The following CPEB4 variants were observed in gnomAD, a reference collection of about 807,000 sequenced individuals.
The protein encoded by CPEB4 is cytoplasmic polyadenylation element-binding protein 4.
CPEB4 carries 12 observed loss-of-function variants against 72.5 expected under a neutral mutation model. The ratio of observed to expected loss-of-function variants is 0.17; its 90% CI spans 0.11 to 0.27. The LOEUF is 0.27. Ranked by LOEUF, CPEB4 falls within the 10% of genes least tolerant of loss-of-function variation. The probability of loss-of-function intolerance (pLI) is 1.00; values close to 1 mark genes in which losing one functional copy is unlikely to be tolerated. For synonymous variants in CPEB4, 302 were observed against 326.3 expected (o/e 0.93, Z 0.80); for missense variants, 614 against 908.5 (o/e 0.68, Z 4.17).
chr5:173,911,693 T>G (rs546987061), intron 2 of CPEB4, among the ~76,000 whole-genome samples: 146 of 151,354 alleles, frequency 9.6e-4, no homozygotes, highest in Middle Eastern at 3.4e-3. Context: ...TTTTTTTTTT[T>G]TTTTTTTTTT....
Position 173,889,642 on chromosome 5 carries a change from C to A in CPEB4, c.-92C>A. On this transcript the variant is annotated 5_prime_UTR_variant, in exon 1 of 10. Transcript: ENST00000265085. The stretch of plus-strand genomic sequence containing the variant: ...AAATAAGACATTTCAAGCAAGCAAG[C>A]AAACAACTTAAATTTGGGGTAGAGG... 9.1e-7 allele frequency: 1 copy of A among 1,098,118 alleles called. No individual in the cohort carries two copies. The highest frequency in any genetic ancestry group is 2.4e-5 in the East Asian group (1 of 41,786). 68.0% of individuals were successfully genotyped at this position (1,098,118 alleles called of 1,614,324 possible). A position where few individuals can be genotyped will look rare whatever the true frequency, so the allele number is the denominator to read the frequency against.
rs1207082978 is a variant in CPEB4 at position 173,888,427 on chromosome 5, G to GCGGCAGCAGCGGCGA, written c.-1305_-1291dup. ...CCGGGAGGCGGTGGCGGCGGCGGCG[G>GCGGCAGCAGCGGCGA]CGGCAGCAGCGGCGACAGCAGAGGA... On this transcript the variant is annotated 5_prime_UTR_variant, in exon 1 of 10. Coordinates refer to ENST00000265085, the MANE Select transcript of CPEB4 (RefSeq NM_030627.4). This position sits in a 1 kb window ranked among gnomAD's most constrained non-coding sequence, Gnocchi z 4.3. The GCGGCAGCAGCGGCGA allele has an allele frequency of 4.3e-4, 197 of 459,788 alleles. No individual in the cohort carries two copies. Among genetic ancestry groups the GCGGCAGCAGCGGCGA allele is most frequent in the African/African-American group, 3.9e-3 (191 of 49,194 alleles). The allele number at this position is 459,788 out of a possible 1,614,324, so 28.5% of individuals were successfully genotyped here. A position where few individuals can be genotyped will look rare whatever the true frequency, so the allele number is the denominator to read the frequency against.
chr5:173,917,877 T>C (rs1294004537), intron 2 of CPEB4, among the ~76,000 whole-genome samples: 1 of 152,246 alleles, frequency 6.6e-6, no homozygotes, highest in East Asian at 1.9e-4. Flanking sequence ...ATTAAGTCTT[T>C]AAGACTCAGA....
At chr5:173,903,995 C>A (rs1756333507) in intron 1 of CPEB4, among the ~76,000 whole-genome samples, 1 of 152,158 alleles carries the variant, frequency 6.6e-6, no homozygotes, top group African/African-American at 2.4e-5. Context: ...CAGTTACTGA[C>A]ATGCAACTCA....
rs574214613 is a variant in CPEB4, at chr5:173,916,513, G to A, written c.1207+5909G>A. Among the ~76,000 whole-genome samples the A allele has an allele frequency of 4.6e-5, 7 of 152,278 alleles. No individual in the cohort carries two copies. In the East Asian group the frequency reaches 1.3e-3, roughly 29 times the overall value. ...TTTCATGCATCGCTTTATTTTAAGA[G>A]CTATGGATCTACTCCAAAAATGCTA... On this transcript the variant is annotated intron_variant, in intron 2 of 9. Coordinates refer to ENST00000265085, the MANE Select transcript of CPEB4 (RefSeq NM_030627.4).
At chr5:173,944,630 A>T (rs1757954377) in intron 4 of CPEB4, among the ~76,000 whole-genome samples, 1 of 152,210 alleles carries the variant, frequency 6.6e-6, no homozygotes, top group African/African-American at 2.4e-5. Context: ...GGTTGCCAAT[A>T]GCCATGGGGC....
At chr5:173,911,321 G>C (rs1756650824) in intron 2 of CPEB4, among the ~76,000 whole-genome samples, 1 of 151,324 alleles carries the variant, frequency 6.6e-6, no homozygotes, top group Admixed American at 6.6e-5. Context: ...CCAGGCTGGA[G>C]TGCAGTGGCG....
chr5:173,918,869 C>G (rs1237501148), intron 2 of CPEB4, among the ~76,000 whole-genome samples: 1 of 152,070 alleles, frequency 6.6e-6, no homozygotes, highest in Non-Finnish European at 1.5e-5. Context: ...TATCTTAATC[C>G]TGAACATTGA....
intron 2 of CPEB4, among the ~76,000 whole-genome samples, chr5:173,923,762 G>A (rs531334609): frequency 5.3e-5 from 8 of 151,666 alleles, no homozygotes; most frequent in African/African-American, 1.5e-4. Flanking sequence ...TAGTTTTGCC[G>A]AGTTTTTTAG....
chr5:173,916,197 TATC>T (rs1393018610), intron 2 of CPEB4, among the ~76,000 whole-genome samples: 1 of 152,238 alleles, frequency 6.6e-6, no homozygotes, highest in Non-Finnish European at 1.5e-5. Context: ...ATGACTTAGA[TATC>T]ATATTATTCC....
intron 5 of CPEB4, among the ~76,000 whole-genome samples, chr5:173,946,017 A>G (rs899201661): frequency 2.6e-5 from 4 of 152,222 alleles, no homozygotes; most frequent in Non-Finnish European, 4.4e-5. Flanking sequence ...GGAGAATAGA[A>G]TAGATTTCTT....
At chr5:173,911,758 CTTCATTCATTCA>C (rs368468085) in intron 2 of CPEB4, among the ~76,000 whole-genome samples, 4 of 139,054 alleles carry the variant, frequency 2.9e-5, no homozygotes, top group Non-Finnish European at 6.1e-5. Flanking sequence ...CTGTTGGCTC[CTTCATTCATTCA>C]TTCATTCATT....
intron 3 of CPEB4, among the ~76,000 whole-genome samples, chr5:173,932,729 T>A (rs1757490839): frequency 6.6e-6 from 1 of 152,206 alleles, no homozygotes; most frequent in Admixed American, 6.5e-5. Context: ...ACAATGAGAA[T>A]GAAAATCCCA....
chr5:173,940,747 GTTT>G (rs1483207114), intron 3 of CPEB4, among the ~76,000 whole-genome samples: 5 of 152,100 alleles, frequency 3.3e-5, no homozygotes, highest in African/African-American at 1.2e-4. Context: ...GAATGTCATT[GTTT>G]TTATTTCTTC....
At chr5:173,916,923 AT>A (rs1296672600) in intron 2 of CPEB4, among the ~76,000 whole-genome samples, 1 of 152,222 alleles carries the variant, frequency 6.6e-6, no homozygotes. Flanking sequence ...ACTTAAAAAT[AT>A]GTAATAAATA....
At chr5:173,947,893 A>G (rs1465309127) in intron 5 of CPEB4, among the ~76,000 whole-genome samples, 1 of 152,208 alleles carries the variant, frequency 6.6e-6, no homozygotes, top group Admixed American at 6.5e-5. Flanking sequence ...CAGGGAAAGA[A>G]TAAGACGAGC....
At chr5:173,911,681 G>GT (rs67673139) in intron 2 of CPEB4, among the ~76,000 whole-genome samples, 1,443 of 113,750 alleles carry the variant, frequency 0.013, 61 homozygotes, top group African/African-American at 0.042. Flanking sequence ...TAGAAAGCAG[G>GT]TTTTTTTTTT....
chr5:173,929,794 G>A (rs1254789498), intron 2 of CPEB4, among the ~76,000 whole-genome samples: 6 of 152,062 alleles, frequency 3.9e-5, no homozygotes, highest in Non-Finnish European at 8.8e-5. Flanking sequence ...TGCAATGTTA[G>A]CATTAAATAA....
chr5:173,892,274 ATTT>A (rs71820084), intron 1 of CPEB4, among the ~76,000 whole-genome samples: 4 of 120,756 alleles, frequency 3.3e-5, no homozygotes, highest in African/African-American at 9.2e-5. Flanking sequence ...TCTAAAAACG[ATTT>A]TTTTTTTTTT....
Sources: allele counts gnomAD v4.1 joint callset (sites outside exome capture counted in the v4.1 genomes callset), GRCh38; gene constraint gnomAD v4.1.1; non-coding constraint Gnocchi (gnomAD v3.1); transcripts MANE v1.5; gene names NCBI Gene and HGNC (gene_info 2026-07-23, HGNC 2026-07-21).